Variants in TENT2 observed in about 807,000 individuals in gnomAD.
The protein encoded by TENT2 is terminal nucleotidyltransferase 2.
Under a neutral mutation model 72.2 loss-of-function variants are expected in TENT2, and 44 were observed. The ratio of observed to expected loss-of-function variants is 0.61; its 90% CI spans 0.48 to 0.78. TENT2 has a LOEUF of 0.78. Among genes scored for constraint, TENT2 ranks in the 30% least tolerant of loss-of-function variants. The pLI, the probability that TENT2 is intolerant of heterozygous loss-of-function variation, is 0.00. For synonymous variants in TENT2, 212 were observed against 192.5 expected, an observed-to-expected ratio of 1.10 and a Z score of -0.84; for missense variants, 541 against 569.6, an observed-to-expected ratio of 0.95 and a Z score of 0.51.
Position 79,642,812 on chromosome 5 carries a change from C to A in TENT2, c.673-20C>A. 1 of 1,581,206 alleles carries A rather than the reference C, an allele frequency of 6.3e-7. No individual in the cohort carries two copies. The highest frequency in any genetic ancestry group is 1.1e-5 in the South Asian group (1 of 88,950). ...AACTTAGAAAGATAATGAAAAAACA[C>A]TTTATTTTTAACTTTTCAGTGTTTT... On this transcript the variant is annotated intron_variant, in intron 6 of 14. Transcript: ENST00000453514.
At chr5:79,653,688 C>G (rs895062350) in intron 10 of TENT2, among the ~76,000 whole-genome samples, 12 of 152,110 alleles carry the variant, frequency 7.9e-5, no homozygotes, top group Admixed American at 4.6e-4. Flanking sequence ...TAATGTGTAT[C>G]TCTATACTGG....
At chr5:79,667,225 T>C (rs1427059886) in intron 11 of TENT2, among the ~76,000 whole-genome samples, 1 of 152,198 alleles carries the variant, frequency 6.6e-6, no homozygotes, top group Non-Finnish European at 1.5e-5. Flanking sequence ...GCATATTCAG[T>C]TCATAAATTG....
intron 12 of TENT2, among the ~76,000 whole-genome samples, chr5:79,672,986 T>G (rs555604036): frequency 1.0e-3 from 158 of 152,320 alleles, no homozygotes; most frequent in African/African-American, 3.5e-3. Flanking sequence ...AAAAGCCATT[T>G]TAAGTGGGGT....
intron 12 of TENT2, among the ~76,000 whole-genome samples, chr5:79,677,953 C>T (rs917012269): frequency 1.3e-5 from 2 of 152,110 alleles, no homozygotes; most frequent in South Asian, 2.1e-4. Flanking sequence ...GGCGCCACCA[C>T]GCCTGCTACT....
In TENT2 at chr5:79,641,155, A is replaced by C; in HGVS notation, c.631A>C (p.Ser211Arg). 1.3e-6 allele frequency: 2 copies of C among 1,579,960 alleles called. No homozygotes were observed. Among genetic ancestry groups the C allele is most frequent in the Non-Finnish European group, 1.7e-6 (2 of 1,170,478 alleles). Reference protein sequence around the residue: ...GSSLNGFGTRSSDGDLCLVVK... With the variant: ...GSSLNGFGTRRSDGDLCLVVK... ...CTCTTTAAATGGATTTGGTACCCGGAGCAGTGATGGTGATTTATGCCTAGT... is the reference window on the plus strand; with the variant it reads ...CTCTTTAAATGGATTTGGTACCCGGCGCAGTGATGGTGATTTATGCCTAGT... The change falls in exon 6 of 15, where the codon AGC becomes CGC. Residue 211 changes from serine (S) to arginine (R), a missense_variant. Coordinates refer to ENST00000453514, the MANE Select transcript of TENT2 (RefSeq NM_001114394.3).
chr5:79,684,600 ACAGT>A (rs1580720959), intron 14 of TENT2, among the ~76,000 whole-genome samples: 1 of 152,340 alleles, frequency 6.6e-6, no homozygotes, highest in African/African-American at 2.4e-5. Context: ...AAGATGTAAG[ACAGT>A]CAATCAAATA....
chr5:79,621,213 A>G (rs1308514640), intron 3 of TENT2, among the ~76,000 whole-genome samples: 2 of 152,188 alleles, frequency 1.3e-5, no homozygotes, highest in East Asian at 3.9e-4. Context: ...ACTGAGGTAG[A>G]TACTATTATC....
intron 4 of TENT2, among the ~76,000 whole-genome samples, chr5:79,628,975 C>T (rs1351558463): frequency 6.6e-6 from 1 of 152,138 alleles, no homozygotes; most frequent in Non-Finnish European, 1.5e-5. Context: ...TTGTGTTGGA[C>T]ATTGACACAG....
At position 79,612,503 on chromosome 5, in the gene TENT2, G is replaced by C. The variant is rs567648586; in HGVS notation, c.-610G>C. 1 of 152,970 alleles carries C rather than the reference G, an allele frequency of 6.5e-6. No individual in the cohort carries two copies. Among genetic ancestry groups the C allele is most frequent in the East Asian group, 1.9e-4 (1 of 5,186 alleles). The allele number at this position is 152,970 out of a possible 1,614,324, so 9.5% of individuals were successfully genotyped here. On this transcript the variant is annotated 5_prime_UTR_variant, in exon 1 of 15. Transcript: ENST00000453514. ...GGGTTTTCTACGCCGCTTTTTCGGC[G>C]ACTTTTTGCTCTTCCGCTTTTTGCC...
At chr5:79,660,621 T>C (rs1466414537) in intron 11 of TENT2, among the ~76,000 whole-genome samples, 1 of 152,200 alleles carries the variant, frequency 6.6e-6, no homozygotes, top group Non-Finnish European at 1.5e-5. Context: ...AGTAATGTGC[T>C]GCATAATGAT....
chr5:79,657,177 CTTG>C (rs1176349613), intron 11 of TENT2, among the ~76,000 whole-genome samples, 176 bp downstream of exon 11: 15 of 152,056 alleles, frequency 9.9e-5, no homozygotes, highest in Admixed American at 2.6e-4. Context: ...AACTCTCTTA[CTTG>C]TTATTTTGTT....
intron 11 of TENT2, among the ~76,000 whole-genome samples, chr5:79,665,162 A>G (rs552618837): frequency 1.3e-5 from 2 of 152,328 alleles, no homozygotes; most frequent in South Asian, 4.1e-4. Context: ...TTTCAGGCAG[A>G]AGTATTCCCT....
At chr5:79,667,292 G>C (rs62365235) in intron 11 of TENT2, among the ~76,000 whole-genome samples, 18,275 of 152,130 alleles carry the variant, frequency 0.12, 1,671 homozygotes, top group African/African-American at 0.26. Flanking sequence ...TTCAGAGCGG[G>C]AGCTATTAAA....
At chr5:79,678,361 G>C (rs1476632209) in intron 12 of TENT2, among the ~76,000 whole-genome samples, 1 of 152,084 alleles carries the variant, frequency 6.6e-6, no homozygotes, top group Non-Finnish European at 1.5e-5. Flanking sequence ...TGTAGGGTAA[G>C]TGTTGGAAGG....
intron 12 of TENT2, among the ~76,000 whole-genome samples, chr5:79,669,407 A>G (rs573016800): frequency 2.6e-5 from 4 of 152,346 alleles, no homozygotes; most frequent in Non-Finnish European, 5.9e-5. Flanking sequence ...AGACTAATGA[A>G]GATCTATTTA....
At chr5:79,649,556 AT>A (rs1792023609) in intron 10 of TENT2, among the ~76,000 whole-genome samples, 1 of 152,140 alleles carries the variant, frequency 6.6e-6, no homozygotes, top group Admixed American at 6.6e-5. Flanking sequence ...TGAGACAGGA[AT>A]TAAATTATTT....
At chr5:79,659,564 A>ATATATATG (rs1800936443) in intron 11 of TENT2, among the ~76,000 whole-genome samples, 1 of 73,826 alleles carries the variant, frequency 1.4e-5, no homozygotes, top group Non-Finnish European at 2.3e-5. Flanking sequence ...ATGTATATAT[A>ATATATATG]TATATATATA....
At chr5:79,625,832 C>T (rs1188128014) in intron 4 of TENT2, among the ~76,000 whole-genome samples, 1 of 139,148 alleles carries the variant, frequency 7.2e-6, no homozygotes, top group African/African-American at 3.0e-5. Flanking sequence ...TTTTAGTTAG[C>T]TGTTTTTTTT....
intron 13 of TENT2, among the ~76,000 whole-genome samples, chr5:79,679,974 A>G (rs1820435573): frequency 6.6e-6 from 1 of 152,124 alleles, no homozygotes; most frequent in Admixed American, 6.5e-5. Context: ...TTTATATGTG[A>G]TTCTTATATT....
Sources: allele counts gnomAD v4.1 joint callset (sites outside exome capture counted in the v4.1 genomes callset), GRCh38; gene constraint gnomAD v4.1.1; transcripts MANE v1.5; gene names NCBI Gene and HGNC (gene_info 2026-07-23, HGNC 2026-07-21).